ANPEP: variants seen among roughly 807,000 people sequenced by gnomAD.
ANPEP encodes the protein alanyl aminopeptidase, membrane.
In ANPEP, 70 loss-of-function variants were observed where a neutral mutation model predicts 114.6. The observed-to-expected ratio is 0.61, with a 90% CI of 0.50 to 0.75. ANPEP has a LOEUF of 0.75. ANPEP is among the 30% of genes least tolerant of loss of function. The pLI, the probability that ANPEP is intolerant of heterozygous loss-of-function variation, is 0.00. For missense variants in ANPEP, 1,184 were observed against 1,259.5 expected (o/e 0.94, Z 0.91); for synonymous variants, 548 against 522.3 (o/e 1.05, Z -0.67).
At chr15:89,804,702 G>C in intron 4 of ANPEP, 85 bp from the exon 5 acceptor site, 4 of 1,544,006 alleles carry the variant, frequency 2.6e-6, no homozygotes, top group Non-Finnish European at 3.5e-6. Context: ...CAGTGGGCTG[G>C]GGGGATCCCT....
chr15:89,810,879 G>A (rs758356036), intron 1 of ANPEP, among the ~76,000 whole-genome samples: 12 of 152,156 alleles, frequency 7.9e-5, no homozygotes, highest in African/African-American at 2.2e-4. Flanking sequence ...GCTTTTCCCC[G>A]CTTCATTCTC....
intron 15 of ANPEP, among the ~76,000 whole-genome samples, chr15:89,796,846 A>G (rs999707744): frequency 6.6e-6 from 1 of 152,178 alleles, no homozygotes; most frequent in East Asian, 1.9e-4. Flanking sequence ...AGCATGATTT[A>G]ATGACTACAT....
Position 89,797,632 on chromosome 15 carries a change from G to T in ANPEP, c.2100C>A (p.Ser700Arg). The change falls in exon 15 of 21, where the codon AGC (serine) becomes AGA (arginine). Residue 700 changes from serine to arginine, a missense_variant. Ser to Arg is a moderately radical substitution (Grantham distance 110). Transcript: ENST00000300060. The part of the protein sequence containing the change: ...RQYMPWEAAL[S>R]SLSYFKLMFD... ...ACATGAGCTTGAAGTAGCTCAGGCT[G>T]CTCAGGGCGGCCTCCCAGGGCATGT... is the stretch of plus-strand genomic sequence containing the variant. 6.2e-7 allele frequency: 1 copy of T among 1,614,162 alleles called. No homozygotes were observed. Among genetic ancestry groups the T allele is most frequent in the Non-Finnish European group, 8.5e-7 (1 of 1,180,018 alleles).
chr15:89,796,253 C>A (rs1378804147), intron 15 of ANPEP, among the ~76,000 whole-genome samples: 1 of 152,218 alleles, frequency 6.6e-6, no homozygotes, highest in African/African-American at 2.4e-5. Flanking sequence ...TTGTGTGATA[C>A]ATTTGTAACT....
intron 1 of ANPEP, among the ~76,000 whole-genome samples, chr15:89,812,161 G>C (rs895816323): frequency 2.0e-5 from 3 of 147,666 alleles, no homozygotes; most frequent in Non-Finnish European, 4.4e-5. Context: ...GGCCGGGAGA[G>C]CTGAGCACCC....
chr15:89,806,785 T>G lies in ANPEP; in HGVS notation c.-202A>C. On this transcript the variant is annotated 5_prime_UTR_variant, in exon 2 of 21. Coordinates refer to ENST00000300060, the MANE Select transcript of ANPEP (RefSeq NM_001150.3). The surrounding 1 kb of genome is among the most constrained non-coding windows in gnomAD (Gnocchi z 5.7). ...GGAGAGGAGATCCAGGAACGGTGTG[T>G]GGAGCTGGGCTCGGGGGGTGCCTGC... 108 of 824,816 alleles carry G rather than the reference T, an allele frequency of 1.3e-4. No homozygotes were observed. Among genetic ancestry groups the G allele is most frequent in the Non-Finnish European group, 1.8e-4 (99 of 555,228 alleles). 51.1% of individuals were successfully genotyped at this position (824,816 alleles called of 1,614,324 possible).
At chr15:89,797,839 C>T (rs923697025) in intron 14 of ANPEP, 117 bp from the exon 15 acceptor site, 20 of 1,399,068 alleles carry the variant, frequency 1.4e-5, no homozygotes, top group Middle Eastern at 2.5e-4. Context: ...TGTATCCACT[C>T]CTGGAGCCGG....
intron 12 of ANPEP, among the ~76,000 whole-genome samples, chr15:89,800,581 GAC>G (rs1309022917): frequency 1.6e-5 from 2 of 121,458 alleles, no homozygotes; most frequent in Non-Finnish European, 3.3e-5. Context: ...TTTTTTTTGA[GAC>G]AGAGTTTCGC....
At chr15:89,808,090 C>T (rs1223003482) in intron 1 of ANPEP, among the ~76,000 whole-genome samples, 1 of 152,176 alleles carries the variant, frequency 6.6e-6, no homozygotes, top group African/African-American at 2.4e-5. Context: ...CCAGACCAGA[C>T]CTTCTAAAGG....
Position 89,806,395 on chromosome 15 carries a change from G to A in ANPEP, c.189C>T (p.Thr63=), listed in dbSNP as rs752390194. The A allele has an allele frequency of 2.5e-6, 4 of 1,614,182 alleles. No individual in the cohort carries two copies. The highest frequency in any genetic ancestry group is 3.4e-6 in the Non-Finnish European group (4 of 1,180,018). Residue 63 remains threonine (T), a synonymous_variant, in exon 2 of 21, where the codon ACC becomes ACT. Coordinates refer to ENST00000300060, the MANE Select transcript of ANPEP (RefSeq NM_001150.3). The surrounding 1 kb of genome is among the most constrained non-coding windows in gnomAD (Gnocchi z 5.7). ...TCCACGCTTTACTTTGGTCCAAGGT[G>A]GTGGCCGAGGCGGGGTTGGTGGTGG... ...ASATTNPASA[T]TLDQSKAWNR...
chr15:89,806,406 C>T lies in ANPEP; in HGVS notation c.178G>A (p.Ala60Thr), dbSNP rs757787924. The T allele has an allele frequency of 9.3e-6, 15 of 1,613,864 alleles. No homozygotes were observed. Among genetic ancestry groups the T allele is most frequent in the East Asian group, 2.2e-5 (1 of 44,890 alleles). ...CTTTGGTCCAAGGTGGTGGCCGAGG[C>T]GGGGTTGGTGGTGGCTGAGGCGGAC... Reference protein sequence around the residue: ...TPSASATTNPASATTLDQSKA... With the variant: ...TPSASATTNPTSATTLDQSKA... Residue 60 changes from alanine (A) to threonine (T), a missense_variant, in exon 2 of 21, where the codon GCC becomes ACC. Ala to Thr is a moderately conservative substitution (Grantham distance 58). Coordinates refer to ENST00000300060, the MANE Select transcript of ANPEP (RefSeq NM_001150.3). This position sits in a 1 kb window ranked among gnomAD's most constrained non-coding sequence, Gnocchi z 5.7.
intron 11 of ANPEP, 87 bp downstream of exon 11, chr15:89,801,348 C>A (rs1894585303): frequency 5.1e-6 from 8 of 1,566,484 alleles, no homozygotes; most frequent in Non-Finnish European, 7.0e-6. Flanking sequence ...GGGCTGGGAC[C>A]ACAGGAGGCC....
chr15:89,787,865 G>A (rs969291377), intron 20 of ANPEP, among the ~76,000 whole-genome samples: 2 of 152,090 alleles, frequency 1.3e-5, no homozygotes, highest in Non-Finnish European at 2.9e-5. Context: ...AGGCCAATAA[G>A]CACATGAAAT....
rs538298762 is a variant in ANPEP at position 89,803,573 on chromosome 15, C to T, written c.1438-66G>A. ...GCCACCAGGACCCTGTGCCCCCAGACCCTGCCTTCAGTGAGGCCCCTCCAG... is the reference window on the plus strand; with the variant it reads ...GCCACCAGGACCCTGTGCCCCCAGATCCTGCCTTCAGTGAGGCCCCTCCAG... On this transcript the variant is annotated intron_variant, in intron 8 of 20. Transcript: ENST00000300060. This position sits in a 1 kb window ranked among gnomAD's most constrained non-coding sequence, Gnocchi z 4.2. The T allele has an allele frequency of 1.2e-6, 2 of 1,601,522 alleles. No individual in the cohort carries two copies. Among genetic ancestry groups the T allele is most frequent in the African/African-American group, 1.3e-5 (1 of 74,884 alleles).
In ANPEP at chr15:89,788,656, G is replaced by A. The variant is rs370474429; in HGVS notation, c.2751+1804C>T. ...TGCTCTGTCACCCAGGCTGGAATGC[G>A]GTGGCACCACCTCCGCTCACTGCAA... On this transcript the variant is annotated intron_variant, in intron 20 of 20. Transcript: ENST00000300060. Among the ~76,000 whole-genome samples the A allele has an allele frequency of 4.9e-4, 75 of 152,144 alleles. No individual in the cohort carries two copies. The East Asian group carries it at 9.3e-3, about 19-fold the overall frequency.
Position 89,785,406 on chromosome 15 carries a change from C to T in ANPEP, c.2847G>A (p.Lys949=). ...QALEKTKANI[K]WVKENKEVVL... is the part of the protein sequence containing the mutation. ...CCACCTCCTTGTTCTCCTTCACCCA[C>T]TTGATGTTGGCTTTCGTCTTCTCCA... Residue 949 remains lysine (K), a synonymous_variant, in exon 21 of 21, where the codon AAG becomes AAA. Coordinates refer to ENST00000300060, the MANE Select transcript of ANPEP (RefSeq NM_001150.3). 16 of 1,614,238 alleles carry T rather than the reference C, an allele frequency of 9.9e-6. No individual in the cohort carries two copies. Among genetic ancestry groups the T allele is most frequent in the Non-Finnish European group, 1.3e-5 (15 of 1,180,032 alleles).
chr15:89,809,716 G>C (rs1894785230), intron 1 of ANPEP, among the ~76,000 whole-genome samples: 1 of 152,240 alleles, frequency 6.6e-6, no homozygotes, highest in South Asian at 2.1e-4. Flanking sequence ...CGTCAGCAGA[G>C]GGCTCTGCCT....
intron 14 of ANPEP, 133 bp from the exon 15 acceptor site, chr15:89,797,855 C>A: frequency 8.0e-7 from 1 of 1,244,890 alleles, no homozygotes. Context: ...GCCGGAGGTC[C>A]CAGATTCCCA....
At position 89,792,210 on chromosome 15, in the gene ANPEP, G is replaced by C. The variant is rs1013186337; in HGVS notation, c.2478C>G (p.Asp826Glu). 41 of 1,614,094 alleles carry C rather than the reference G, an allele frequency of 2.5e-5. 2 individuals carry two copies. Among genetic ancestry groups the C allele is most frequent in the Non-Finnish European group, 3.4e-6 (4 of 1,180,046 alleles). Residue 826 changes from aspartate to glutamate, a missense_variant, in exon 18 of 21, where the codon GAC becomes GAG. Coordinates refer to ENST00000300060, the MANE Select transcript of ANPEP (RefSeq NM_001150.3). Reference sequence around the variant, plus strand: ...TGCAGGCCAGGGCTGCCCGGAGCTTGTCAGCCTCATTGACCAGTGTGGCAT... The same window carrying C: ...TGCAGGCCAGGGCTGCCCGGAGCTTCTCAGCCTCATTGACCAGTGTGGCAT... Reference protein sequence around the residue: ...FRNATLVNEADKLRAALACSK... With the variant: ...FRNATLVNEAEKLRAALACSK...
Sources: gnomAD v4.1 joint callset for allele counts (sites outside exome capture counted in the v4.1 genomes callset) on GRCh38, gnomAD v4.1.1 for gene constraint, Gnocchi (gnomAD v3.1) non-coding constraint, MANE v1.5 for transcripts, NCBI Gene and HGNC (gene_info 2026-07-23, HGNC 2026-07-21) for gene names.